The following THSD7A variants were observed in gnomAD, a reference collection of about 807,000 sequenced individuals.
THSD7A encodes the protein thrombospondin type 1 domain containing 7A, also known as thrombospondin type-1 domain-containing protein 7A.
A neutral mutation model predicts 231.3 loss-of-function variants in THSD7A; 96 were observed. The ratio of observed to expected loss-of-function variants is 0.41; its 90% confidence interval spans 0.35 to 0.49. The LOEUF is 0.49. THSD7A is among the 20% of genes least tolerant of loss of function. THSD7A has a pLI of 0.05. For synonymous variants in THSD7A, 940 were observed against 743.3 expected (o/e 1.26, Z -4.30); for missense variants, 2,290 against 2,070.2 (o/e 1.11, Z -2.06).
rs73676005 is a variant in THSD7A, at chr7:11,554,841, T to C, written c.1454-11724A>G. ...AGTTGTGGTAGGTTGCAATTTATTT[T>C]GATTTTTTTATTCTTCCCATGTAGT... On this transcript the variant is annotated intron_variant, in intron 4 of 27. Coordinates refer to ENST00000423059, the MANE Select transcript of THSD7A (RefSeq NM_015204.3). Among the ~76,000 whole-genome samples, 436 of 152,058 alleles carry C rather than the reference T, an allele frequency of 2.9e-3. 3 individuals are homozygous for C. The highest frequency in any genetic ancestry group is 9.9e-3 in the African/African-American group (413 of 41,538).
chr7:11,572,576 A>G (rs1790687326), intron 4 of THSD7A, among the ~76,000 whole-genome samples: 2 of 152,134 alleles, frequency 1.3e-5, no homozygotes, highest in African/African-American at 4.8e-5. Context: ...TGGCGCAATC[A>G]TAGCTCACTG....
intron 16 of THSD7A, among the ~76,000 whole-genome samples, chr7:11,418,146 C>T (rs952821784): frequency 3.3e-5 from 5 of 152,088 alleles, no homozygotes; most frequent in Non-Finnish European, 5.9e-5. Flanking sequence ...AGGCATTTAT[C>T]GATTCATTTT....
At chr7:11,515,503 CAATT>C (rs1787993119) in intron 6 of THSD7A, among the ~76,000 whole-genome samples, 3 of 151,818 alleles carry the variant, frequency 2.0e-5, no homozygotes, top group South Asian at 4.1e-4. Flanking sequence ...ACAATATCAA[CAATT>C]AATTATGATC....
At chr7:11,491,617 T>A (rs1014946434) in intron 6 of THSD7A, among the ~76,000 whole-genome samples, 1 of 152,128 alleles carries the variant, frequency 6.6e-6, no homozygotes, top group Non-Finnish European at 1.5e-5. Context: ...CTAAATAAGA[T>A]AAATTATATA....
chr7:11,427,340 T>C (rs1240285270), intron 14 of THSD7A, among the ~76,000 whole-genome samples: 1 of 152,192 alleles, frequency 6.6e-6, no homozygotes, highest in East Asian at 1.9e-4. Flanking sequence ...GTTCAAAAAT[T>C]TATTATTTGT....
At position 11,382,142 on chromosome 7, in the gene THSD7A, T is replaced by A. The variant is rs116730044; in HGVS notation, c.4507+379A>T. On this transcript the variant is annotated intron_variant, in intron 24 of 27. Coordinates refer to ENST00000423059, the MANE Select transcript of THSD7A (RefSeq NM_015204.3). The stretch of plus-strand genomic sequence containing the variant: ...CCCTTGCTGGTATTTTTGGTCTGCA[T>A]TTATATTGCCTTCAAGGCACAGAAG... Among the ~76,000 whole-genome samples the A allele has an allele frequency of 1.1e-3, 170 of 152,268 alleles. 1 individual carries two copies. Among genetic ancestry groups the A allele is most frequent in the African/African-American group, 3.7e-3 (155 of 41,570 alleles).
chr7:11,621,145 A>G (rs962260600), intron 2 of THSD7A, among the ~76,000 whole-genome samples: 1 of 152,234 alleles, frequency 6.6e-6, no homozygotes. Flanking sequence ...TTCAGAAATC[A>G]AATTTGCAAG....
chr7:11,635,888 G>T (rs983179163), intron 2 of THSD7A, among the ~76,000 whole-genome samples: 1 of 151,708 alleles, frequency 6.6e-6, no homozygotes, highest in African/African-American at 2.4e-5. Context: ...ATGAAGAATT[G>T]CTCATGCTCC....
chr7:11,819,873 A>G (rs1784816770), intron 1 of THSD7A, among the ~76,000 whole-genome samples: 1 of 152,204 alleles, frequency 6.6e-6, no homozygotes, highest in Non-Finnish European at 1.5e-5. Flanking sequence ...GTACCACACT[A>G]GCGCAAGATT....
intron 4 of THSD7A, among the ~76,000 whole-genome samples, chr7:11,546,718 C>A (rs1789415646): frequency 6.6e-6 from 1 of 152,048 alleles, no homozygotes; most frequent in South Asian, 2.1e-4. Flanking sequence ...TTAAACCAGG[C>A]TGAAAAGGCT....
At chr7:11,395,689 A>C (rs1181110355) in intron 23 of THSD7A, among the ~76,000 whole-genome samples, 1 of 152,066 alleles carries the variant, frequency 6.6e-6, no homozygotes, top group African/African-American at 2.4e-5. Context: ...CACCATGTCC[A>C]GCTGATTATT....
intron 2 of THSD7A, among the ~76,000 whole-genome samples, chr7:11,618,677 A>T (rs1419299209): frequency 6.6e-6 from 1 of 151,970 alleles, no homozygotes; most frequent in East Asian, 1.9e-4. Flanking sequence ...AGTCCCAGCT[A>T]CTTGGGACGC....
chr7:11,772,082 T>C (rs1334527767), intron 1 of THSD7A, among the ~76,000 whole-genome samples: 2 of 152,076 alleles, frequency 1.3e-5, no homozygotes, highest in South Asian at 2.1e-4. Context: ...AATTACCCAG[T>C]CTTCAGTATT....
chr7:11,389,815 C>CA (rs1583654308), intron 23 of THSD7A, among the ~76,000 whole-genome samples: 1 of 152,076 alleles, frequency 6.6e-6, no homozygotes, highest in Admixed American at 6.6e-5. Flanking sequence ...CTGGTGGTGA[C>CA]AAAATCTCTC....
chr7:11,661,576 G>T (rs1782931365), intron 1 of THSD7A, among the ~76,000 whole-genome samples: 1 of 150,546 alleles, frequency 6.6e-6, no homozygotes, highest in Non-Finnish European at 1.5e-5. Context: ...TTAACAAATA[G>T]GTTAAGCACC....
At chr7:11,569,834 T>G (rs753646762) in intron 4 of THSD7A, among the ~76,000 whole-genome samples, 26 of 152,202 alleles carry the variant, frequency 1.7e-4, no homozygotes, top group Non-Finnish European at 2.9e-5. Flanking sequence ...AATGGTATAC[T>G]ATTCATCCAT....
At chr7:11,441,047 G>T (rs542037234) in intron 13 of THSD7A, among the ~76,000 whole-genome samples, 1 of 151,976 alleles carries the variant, frequency 6.6e-6, no homozygotes, top group Admixed American at 6.6e-5. Context: ...CCACTGCAAC[G>T]CCAGTAGGTT....
chr7:11,817,240 A>T (rs2128185927), intron 1 of THSD7A, among the ~76,000 whole-genome samples: 1 of 152,316 alleles, frequency 6.6e-6, no homozygotes, highest in East Asian at 1.9e-4. Flanking sequence ...ACATCCTTTC[A>T]TTCACAGCAT....
intron 1 of THSD7A, among the ~76,000 whole-genome samples, chr7:11,651,842 A>G (rs1782519418): frequency 1.3e-5 from 2 of 152,104 alleles, no homozygotes; most frequent in South Asian, 2.1e-4. Context: ...GGTGGTTGTT[A>G]CTAGAAATAA....
Sources: gnomAD v4.1 joint callset for allele counts (sites outside exome capture counted in the v4.1 genomes callset) on GRCh38, gnomAD v4.1.1 for gene constraint, MANE v1.5 for transcripts, NCBI Gene and HGNC (gene_info 2026-07-23, HGNC 2026-07-21) for gene names.